The following ARHGAP44 variants were observed in gnomAD, a reference collection of about 807,000 sequenced individuals.
ARHGAP44 encodes the protein Rho GTPase activating protein 44.
In ARHGAP44, 43 loss-of-function variants were observed where a neutral mutation model predicts 106.8. The ratio of observed to expected loss-of-function variants is 0.40; its 90% confidence interval spans 0.32 to 0.52. ARHGAP44 has a LOEUF of 0.52. ARHGAP44 is among the 20% of genes least tolerant of loss of function. The probability of loss-of-function intolerance (pLI) is 0.48; values close to 1 mark genes in which losing one functional copy is unlikely to be tolerated. For missense variants in ARHGAP44, 866 were observed against 1,050.5 expected (o/e 0.82, Z 2.43); for synonymous variants, 439 against 410.3 (o/e 1.07, Z -0.85).
At chr17:12,936,149 TCA>T (rs1349717046) in intron 7 of ARHGAP44, among the ~76,000 whole-genome samples, 1 of 152,158 alleles carries the variant, frequency 6.6e-6, no homozygotes, top group Admixed American at 6.6e-5. Flanking sequence ...AATGTCAACA[TCA>T]CACACACAGT....
At chr17:12,888,737 A>G (rs1010508611) in intron 1 of ARHGAP44, among the ~76,000 whole-genome samples, 9 of 152,100 alleles carry the variant, frequency 5.9e-5, no homozygotes, top group Admixed American at 3.3e-4. Context: ...TTTTCATTGT[A>G]TCAGTTTTTT....
chr17:12,956,892 T>C, intron 15 of ARHGAP44, 146 bp downstream of exon 15: 2 of 627,000 alleles, frequency 3.2e-6, no homozygotes, highest in Non-Finnish European at 5.6e-6. Context: ...CACACACGCA[T>C]GCAGACATGC....
intron 1 of ARHGAP44, among the ~76,000 whole-genome samples, chr17:12,886,002 TC>T (rs1438289149): frequency 6.6e-6 from 1 of 152,140 alleles, no homozygotes; most frequent in Non-Finnish European, 1.5e-5. Context: ...AAGTGTGTGA[TC>T]TATTATAAAT....
intron 10 of ARHGAP44, among the ~76,000 whole-genome samples, chr17:12,946,026 T>C (rs2038842393): frequency 6.6e-6 from 1 of 152,180 alleles, no homozygotes; most frequent in South Asian, 2.1e-4. Flanking sequence ...CCCAAAGTGC[T>C]GAGATTATAG....
chr17:12,978,161 A>G (rs1390547187), intron 18 of ARHGAP44, among the ~76,000 whole-genome samples: 1 of 151,974 alleles, frequency 6.6e-6, no homozygotes, highest in Non-Finnish European at 1.5e-5. Flanking sequence ...ACAAGAAGCA[A>G]TTTTTTAGTT....
chr17:12,951,319 A>G (rs1400520115), intron 12 of ARHGAP44, among the ~76,000 whole-genome samples: 1 of 152,194 alleles, frequency 6.6e-6, no homozygotes, highest in East Asian at 1.9e-4. Context: ...ACAGGTATGT[A>G]ACTACAGGTT....
intron 1 of ARHGAP44, among the ~76,000 whole-genome samples, chr17:12,800,729 A>T (rs576391299): frequency 1.3e-5 from 2 of 152,154 alleles, no homozygotes; most frequent in Non-Finnish European, 2.9e-5. Context: ...GAATGGGGCT[A>T]TTTACAGCCC....
intron 1 of ARHGAP44, among the ~76,000 whole-genome samples, chr17:12,878,892 T>C (rs1295359307): frequency 6.6e-6 from 1 of 152,256 alleles, no homozygotes; most frequent in Non-Finnish European, 1.5e-5. Context: ...CAGAATTTGT[T>C]TCTAGCATAA....
At chr17:12,802,944 TATATATATATATATATATA>T (rs1432799104) in intron 1 of ARHGAP44, among the ~76,000 whole-genome samples, 191 of 16,386 alleles carry the variant, frequency 0.012, 9 homozygotes, top group African/African-American at 0.061. Flanking sequence ...TATATATATA[TATATATATATATATATATA>T]TATATATTTT....
intron 1 of ARHGAP44, among the ~76,000 whole-genome samples, chr17:12,830,250 A>G (rs1047510118): frequency 5.3e-5 from 8 of 152,184 alleles, no homozygotes; most frequent in Non-Finnish European, 7.3e-5. Flanking sequence ...TTCTTTTAAG[A>G]TGCTCCGTTG....
intron 5 of ARHGAP44, among the ~76,000 whole-genome samples, chr17:12,917,077 C>T (rs2037938801): frequency 6.6e-6 from 1 of 152,136 alleles, no homozygotes; most frequent in South Asian, 2.1e-4. Flanking sequence ...TTTCTGGTCC[C>T]AAGCATTTCA....
chr17:12,858,938 A>G (rs1318492849), intron 1 of ARHGAP44, among the ~76,000 whole-genome samples: 1 of 152,160 alleles, frequency 6.6e-6, no homozygotes, highest in Non-Finnish European at 1.5e-5. Flanking sequence ...CTTATAAACC[A>G]TCAGATCTCA....
chr17:12,837,098 A>G (rs533403255), intron 1 of ARHGAP44, among the ~76,000 whole-genome samples: 1 of 152,384 alleles, frequency 6.6e-6, no homozygotes, highest in South Asian at 2.1e-4. Flanking sequence ...ATGGAGATCA[A>G]CTAGAAATCT....
chr17:12,817,762 A>G (rs2034638740), intron 1 of ARHGAP44, among the ~76,000 whole-genome samples: 1 of 152,084 alleles, frequency 6.6e-6, no homozygotes, highest in Non-Finnish European at 1.5e-5. Flanking sequence ...AAATTGGACA[A>G]TTTGAGTAAA....
At chr17:12,852,597 A>C (rs979398130) in intron 1 of ARHGAP44, among the ~76,000 whole-genome samples, 2 of 147,686 alleles carry the variant, frequency 1.4e-5, no homozygotes, top group African/African-American at 5.0e-5. Context: ...GCTGGAGTGC[A>C]GTGGTGCAAT....
chr17:12,797,305 T>G (rs932560848), intron 1 of ARHGAP44, among the ~76,000 whole-genome samples: 1 of 152,244 alleles, frequency 6.6e-6, no homozygotes, highest in Non-Finnish European at 1.5e-5. Flanking sequence ...TCATTGATTT[T>G]GATGTATGAC....
At chr17:12,969,005 A>C (rs1265629053) in intron 16 of ARHGAP44, among the ~76,000 whole-genome samples, 2 of 152,068 alleles carry the variant, frequency 1.3e-5, no homozygotes, top group Non-Finnish European at 2.9e-5. Context: ...TCCTGACTTC[A>C]TGATCCGCCC....
intron 7 of ARHGAP44, among the ~76,000 whole-genome samples, chr17:12,935,813 A>C (rs2038531358): frequency 6.6e-6 from 1 of 152,112 alleles, no homozygotes; most frequent in African/African-American, 2.4e-5. Flanking sequence ...TGAGAGCCAA[A>C]AAGAATGAAA....
At chr17:12,818,801 A>G (rs896457499) in intron 1 of ARHGAP44, among the ~76,000 whole-genome samples, 1 of 152,088 alleles carries the variant, frequency 6.6e-6, no homozygotes, top group Non-Finnish European at 1.5e-5. Context: ...CAGACATAGC[A>G]TATTCGAGAT....
Sources: gnomAD v4.1 joint callset for allele counts (sites outside exome capture counted in the v4.1 genomes callset) on GRCh38, gnomAD v4.1.1 for gene constraint, MANE v1.5 for transcripts, NCBI Gene and HGNC (gene_info 2026-07-23, HGNC 2026-07-21) for gene names.